The following SUGT1 variants were observed in gnomAD, a reference collection of about 807,000 sequenced individuals.
The protein encoded by SUGT1 is protein SGT1 homolog.
A neutral mutation model predicts 56.1 loss-of-function variants in SUGT1; 15 were observed. That is an observed-to-expected ratio of 0.27 (90% CI 0.18 to 0.41). SUGT1 has a LOEUF of 0.41. Among genes scored for constraint, SUGT1 ranks in the 10% least tolerant of loss-of-function variants. SUGT1 has a pLI of 1.00. For synonymous variants in SUGT1, 123 were observed against 128.6 expected (o/e 0.96, Z 0.30); for missense variants, 347 against 382.2 (o/e 0.91, Z 0.77).
chr13:52,654,666 C>G (rs1348624731), intron 2 of SUGT1, among the ~76,000 whole-genome samples: 1 of 152,188 alleles, frequency 6.6e-6, no homozygotes, highest in Non-Finnish European at 1.5e-5. Context: ...TTGTTCTTGA[C>G]TCATAAACAG....
At chr13:52,686,671 T>C (rs1963601274) in intron 12 of SUGT1, among the ~76,000 whole-genome samples, 1 of 152,212 alleles carries the variant, frequency 6.6e-6, no homozygotes, top group African/African-American at 2.4e-5. Context: ...CTGTATACAT[T>C]GGCCACTAAC....
intron 10 of SUGT1, among the ~76,000 whole-genome samples, chr13:52,671,073 T>C (rs983597416): frequency 1.3e-5 from 2 of 151,886 alleles, no homozygotes; most frequent in Admixed American, 6.6e-5. Flanking sequence ...GTATGTTAAA[T>C]AAAAATCCTG....
In SUGT1 at chr13:52,695,788, T is replaced by G. The variant is rs1024632160; in HGVS notation, c.*7953T>G. Reference sequence around the variant, plus strand: ...GCACTTACAGTCTATTGCATATTCTTTGTTTTTAGTGTTCAGACATCTGCT... The same window carrying G: ...GCACTTACAGTCTATTGCATATTCTGTGTTTTTAGTGTTCAGACATCTGCT... On this transcript the variant is annotated 3_prime_UTR_variant, in exon 13 of 13. Coordinates refer to ENST00000310528, the MANE Select transcript of SUGT1 (RefSeq NM_006704.5). 6.6e-6 allele frequency: 1 copy of G among 152,230 alleles called. No individual in the cohort carries two copies. The highest frequency in any genetic ancestry group is 2.4e-5 in the African/African-American group (1 of 41,462). The allele number at this position is 152,230 out of a possible 1,614,324, so 9.4% of individuals were successfully genotyped here.
At chr13:52,674,347 A>T (rs1433532844) in intron 10 of SUGT1, among the ~76,000 whole-genome samples, 1 of 151,916 alleles carries the variant, frequency 6.6e-6, no homozygotes, top group East Asian at 1.9e-4. Flanking sequence ...CCCTTATCCC[A>T]GTGACGTTTG....
At position 52,697,479 on chromosome 13, in the gene SUGT1, T is replaced by C. The variant is rs578256359; in HGVS notation, c.*9644T>C. The C allele has an allele frequency of 2.0e-5, 3 of 152,208 alleles. No homozygotes were observed. The highest frequency in any genetic ancestry group is 4.4e-5 in the Non-Finnish European group (3 of 68,044). 9.4% of individuals were successfully genotyped at this position (152,208 alleles called of 1,614,324 possible). A position where few individuals can be genotyped will look rare whatever the true frequency, so the allele number is the denominator to read the frequency against. ...TTAGGTTTGAGCATATGTAGCAATA[T>C]GGAAACAAAGAGTGAGTCAATTTAT... On this transcript the variant is annotated 3_prime_UTR_variant, in exon 13 of 13. Transcript: ENST00000310528.
At chr13:52,674,736 C>A (rs1963076849) in intron 10 of SUGT1, among the ~76,000 whole-genome samples, 1 of 152,054 alleles carries the variant, frequency 6.6e-6, no homozygotes, top group African/African-American at 2.4e-5. Context: ...ATATAAAATT[C>A]TAATTCAATT....
At position 52,698,469 on chromosome 13, in the gene SUGT1, A is replaced by G. The variant is rs1362246345; in HGVS notation, c.*10634A>G. ...TAATCTTTTTTTTTTTTTTTTTTTT[A>G]AGAGACAGGGTTTTGCTCTGCTGTC... is the stretch of plus-strand genomic sequence containing the variant. On this transcript the variant is annotated 3_prime_UTR_variant, in exon 13 of 13. Transcript: ENST00000310528. 8.4e-4 allele frequency: 5 copies of G among 5,918 alleles called. No individual in the cohort carries two copies. Among genetic ancestry groups the G allele is most frequent in the Admixed American group, 2.0e-3 (1 of 510 alleles). 0.4% of individuals were successfully genotyped at this position (5,918 alleles called of 1,614,324 possible).
At chr13:52,660,119 G>A (rs1962372288) in intron 5 of SUGT1, among the ~76,000 whole-genome samples, 1 of 151,864 alleles carries the variant, frequency 6.6e-6, no homozygotes, top group African/African-American at 2.4e-5. Flanking sequence ...ATGAGCCACT[G>A]CACCCAGCCG....
In SUGT1 at chr13:52,657,540, T is replaced by C; in HGVS notation, c.105T>C (p.Thr35=). 6.2e-7 allele frequency: 1 copy of C among 1,613,658 alleles called. No homozygotes were observed. Among genetic ancestry groups the C allele is most frequent in the Non-Finnish European group, 8.5e-7 (1 of 1,179,768 alleles). The change falls in exon 3 of 13, where the codon ACT becomes ACC. Residue 35 remains threonine, a synonymous_variant. Coordinates refer to ENST00000310528, the MANE Select transcript of SUGT1 (RefSeq NM_006704.5). ...EDPQAALEEL[T]KALEQKPDDA... ...CATGTTTGTTTTTGTAGGAGCTGAC[T>C]AAGGCTTTGGAACAGAAACCAGATG... is the stretch of plus-strand genomic sequence containing the variant.
intron 11 of SUGT1, among the ~76,000 whole-genome samples, chr13:52,679,675 T>C (rs750502878): frequency 3.3e-5 from 5 of 152,234 alleles, no homozygotes; most frequent in Non-Finnish European, 5.9e-5. Flanking sequence ...GTTTCTGTTA[T>C]CAACATGAAG....
intron 3 of SUGT1, 124 bp downstream of exon 3, chr13:52,657,746 C>CA (rs765102242): frequency 2.0e-4 from 160 of 799,346 alleles, no homozygotes; most frequent in Middle Eastern, 4.7e-4. Context: ...TAAAGTAGCT[C>CA]AAATGTGACA....
At chr13:52,681,488 A>G (rs1421685004) in intron 12 of SUGT1, among the ~76,000 whole-genome samples, 1 of 152,132 alleles carries the variant, frequency 6.6e-6, no homozygotes, top group Non-Finnish European at 1.5e-5. Context: ...ATCCTAAGAA[A>G]TGAGATTCTT....
chr13:52,659,679 AAC>A (rs1002641308), intron 5 of SUGT1, among the ~76,000 whole-genome samples: 9 of 151,194 alleles, frequency 6.0e-5, no homozygotes, highest in Non-Finnish European at 1.0e-4. Context: ...GTACAGAAGA[AAC>A]ACAGTTTTGA....
chr13:52,668,689 A>G (rs1415594521), intron 10 of SUGT1, among the ~76,000 whole-genome samples: 1 of 152,148 alleles, frequency 6.6e-6, no homozygotes, highest in South Asian at 2.1e-4. Flanking sequence ...CAAGCACAAA[A>G]TAGGTAGATT....
rs1394574604 is a variant in SUGT1 at position 52,695,725 on chromosome 13, A to G, written c.*7890A>G. 1 of 152,226 alleles carries G rather than the reference A, an allele frequency of 6.6e-6. No homozygotes were observed. 9.4% of individuals were successfully genotyped at this position (152,226 alleles called of 1,614,324 possible). The stretch of plus-strand genomic sequence containing the variant: ...GTGTACTAAAGCTCCCAGACACACA[A>G]GAATCTTCTAGTCATGGTCAAACTT... On this transcript the variant is annotated 3_prime_UTR_variant, in exon 13 of 13. Transcript: ENST00000310528.
intron 11 of SUGT1, among the ~76,000 whole-genome samples, chr13:52,676,883 A>G (rs1963165782): frequency 1.3e-5 from 2 of 152,184 alleles, no homozygotes; most frequent in South Asian, 4.1e-4. Flanking sequence ...ACCCTGTAAG[A>G]AACAGAACTT....
At chr13:52,676,155 CTT>C in intron 10 of SUGT1, 73 bp from the exon 11 acceptor site, 1 of 1,224,688 alleles carries the variant, frequency 8.2e-7, no homozygotes, top group Non-Finnish European at 1.1e-6. Flanking sequence ...ACTTTGATGA[CTT>C]AAGAAAACTG....
chr13:52,692,551 C>G lies in SUGT1; in HGVS notation c.*4716C>G, dbSNP rs1453816659. 1 of 152,286 alleles carries G rather than the reference C, an allele frequency of 6.6e-6. No individual in the cohort carries two copies. The highest frequency in any genetic ancestry group is 1.5e-5 in the Non-Finnish European group (1 of 68,226). 9.4% of individuals were successfully genotyped at this position (152,286 alleles called of 1,614,324 possible). On this transcript the variant is annotated 3_prime_UTR_variant, in exon 13 of 13. Coordinates refer to ENST00000310528, the MANE Select transcript of SUGT1 (RefSeq NM_006704.5). ...TCAGCCTCCTGAGTAGCTGGGATTA[C>G]AGGCATGGGCCGCCATGCCCAGCTA...
chr13:52,653,173 C>G (rs1352906314), intron 2 of SUGT1, 70 bp downstream of exon 2: 8 of 1,579,912 alleles, frequency 5.1e-6, no homozygotes, highest in Non-Finnish European at 6.9e-6. Context: ...CCCCGCTGAC[C>G]CGCCTTCTCC....
Sources: gnomAD v4.1 joint callset for allele counts (sites outside exome capture counted in the v4.1 genomes callset) on GRCh38, gnomAD v4.1.1 for gene constraint, MANE v1.5 for transcripts, NCBI Gene and HGNC (gene_info 2026-07-23, HGNC 2026-07-21) for gene names.